The following ARHGAP15 variants were observed in gnomAD, a reference collection of about 807,000 sequenced individuals.
ARHGAP15 encodes rho GTPase-activating protein 15.
Under a neutral mutation model 63.7 loss-of-function variants are expected in ARHGAP15, and 51 were observed. The observed-to-expected ratio is 0.80, with a 90% CI of 0.64 to 1.01. ARHGAP15 has a LOEUF of 1.01. Ranked by LOEUF, ARHGAP15 falls within the 50% of genes least tolerant of loss-of-function variation. The pLI, the probability that ARHGAP15 is intolerant of heterozygous loss-of-function variation, is 0.00. For missense variants in ARHGAP15, 560 were observed against 564.6 expected (o/e 0.99, Z 0.08); for synonymous variants, 191 against 193.8 (o/e 0.99, Z 0.12).
chr2:143,218,333 A>G (rs553037090), intron 4 of ARHGAP15, among the ~76,000 whole-genome samples: 3 of 137,570 alleles, frequency 2.2e-5, no homozygotes, highest in African/African-American at 8.3e-5. Context: ...AGGTGCACAG[A>G]ATTGAGCTGA....
At chr2:143,659,113 C>A (rs1165217754) in intron 12 of ARHGAP15, among the ~76,000 whole-genome samples, 1 of 152,192 alleles carries the variant, frequency 6.6e-6, no homozygotes, top group African/African-American at 2.4e-5. Context: ...GCTCATGCAA[C>A]CTCATACAGC....
intron 6 of ARHGAP15, among the ~76,000 whole-genome samples, chr2:143,252,038 C>A (rs980613643): frequency 2.0e-5 from 3 of 152,028 alleles, no homozygotes. Flanking sequence ...TTATTATGTA[C>A]TGTGAATTTA....
chr2:143,473,732 G>C (rs1187706805), intron 8 of ARHGAP15, among the ~76,000 whole-genome samples: 1 of 152,104 alleles, frequency 6.6e-6, no homozygotes, highest in Non-Finnish European at 1.5e-5. Context: ...AATCCCAAAT[G>C]CTTTTTTGCT....
intron 12 of ARHGAP15, among the ~76,000 whole-genome samples, chr2:143,696,006 T>G (rs1346540662): frequency 6.6e-6 from 1 of 152,254 alleles, no homozygotes; most frequent in Non-Finnish European, 1.5e-5. Flanking sequence ...TGAATGTATT[T>G]GTGAATGTAT....
At chr2:143,428,579 T>C (rs959317110) in intron 6 of ARHGAP15, among the ~76,000 whole-genome samples, 4 of 151,980 alleles carry the variant, frequency 2.6e-5, no homozygotes, top group East Asian at 1.9e-4. Context: ...GTAGTATATA[T>C]AGTAAAAGGC....
chr2:143,407,967 A>G (rs1212610187), intron 6 of ARHGAP15, among the ~76,000 whole-genome samples: 2 of 121,616 alleles, frequency 1.6e-5, no homozygotes, highest in Non-Finnish European at 3.5e-5. Flanking sequence ...GTGGGTTTTT[A>G]AAGTCTGACT....
intron 6 of ARHGAP15, among the ~76,000 whole-genome samples, chr2:143,423,165 T>C (rs887766377): frequency 2.0e-5 from 3 of 152,082 alleles, no homozygotes; most frequent in South Asian, 2.1e-4. Context: ...TCTTTTCAGA[T>C]AGATGCATTG....
intron 6 of ARHGAP15, among the ~76,000 whole-genome samples, chr2:143,395,726 G>A (rs924990672): frequency 6.6e-6 from 1 of 152,082 alleles, no homozygotes; most frequent in Admixed American, 6.6e-5. Context: ...TGGCCCTGTG[G>A]CAGGAGAAAG....
At chr2:143,648,825 G>C (rs1372125650) in intron 12 of ARHGAP15, 1 of 151,910 alleles carries the variant, frequency 6.6e-6, no homozygotes, top group Non-Finnish European at 1.5e-5. Context: ...TGCTCATAAA[G>C]ATGCAGTGTT....
intron 12 of ARHGAP15, among the ~76,000 whole-genome samples, chr2:143,695,638 C>T (rs1178534855): frequency 6.6e-6 from 1 of 152,028 alleles, no homozygotes; most frequent in Non-Finnish European, 1.5e-5. Context: ...AAGGCTGAGG[C>T]GGGTGGATCG....
chr2:143,374,925 A>G (rs1686735599), intron 6 of ARHGAP15, among the ~76,000 whole-genome samples: 1 of 152,238 alleles, frequency 6.6e-6, no homozygotes, highest in South Asian at 2.1e-4. Context: ...CATGTGTGCC[A>G]AAATGATTGA....
chr2:143,198,829 G>C (rs371207551), intron 2 of ARHGAP15, among the ~76,000 whole-genome samples: 2 of 152,210 alleles, frequency 1.3e-5, no homozygotes, highest in African/African-American at 4.8e-5. Context: ...ACATTTACTT[G>C]CTACTTCTCT....
chr2:143,502,161 C>A (rs934977438), intron 9 of ARHGAP15, among the ~76,000 whole-genome samples: 1 of 152,116 alleles, frequency 6.6e-6, no homozygotes, highest in Non-Finnish European at 1.5e-5. Flanking sequence ...GTAATCCCAG[C>A]ATTTTGGGAG....
In ARHGAP15 at chr2:143,228,656, T is replaced by C; in HGVS notation, c.372T>C (p.Ala124=). 3 of 1,597,648 alleles carry C rather than the reference T, an allele frequency of 1.9e-6. No homozygotes were observed. Among genetic ancestry groups the C allele is most frequent in the Non-Finnish European group, 2.6e-6 (3 of 1,170,294 alleles). Reference sequence around the variant, plus strand: ...TTTACAAAGAATCCAAGCAACAGGCTCTGTCCAATATGGTAAGTAATTCTC... The same window carrying C: ...TTTACAAAGAATCCAAGCAACAGGCCCTGTCCAATATGGTAAGTAATTCTC... The part of the protein sequence containing the change: ...IEFYKESKQQ[A]LSNMKTGHKP... The change falls in exon 5 of 14, where the codon GCT becomes GCC. Residue 124 remains alanine (A), a synonymous_variant. Coordinates refer to ENST00000295095, the MANE Select transcript of ARHGAP15 (RefSeq NM_018460.4).
rs545455090 is a variant in ARHGAP15, at chr2:143,419,605, A to G, written c.475-15996A>G. 2.2e-4 allele frequency among the ~76,000 whole-genome samples: 33 copies of G among 152,028 alleles called. No individual in the cohort carries two copies. In the East Asian group the frequency reaches 6.2e-3, roughly 28 times the overall value. ...ATGATATGTTAAAAAAAATAATAAGATACGATATTGTATATTTAATTTGAC... is the reference window on the plus strand; with the variant it reads ...ATGATATGTTAAAAAAAATAATAAGGTACGATATTGTATATTTAATTTGAC... On this transcript the variant is annotated intron_variant, in intron 6 of 13. Transcript: ENST00000295095.
intron 6 of ARHGAP15, among the ~76,000 whole-genome samples, chr2:143,303,090 A>ATG (rs1682984532): frequency 6.6e-6 from 1 of 152,120 alleles, no homozygotes; most frequent in Non-Finnish European, 1.5e-5. Context: ...ACCATTCAGG[A>ATG]TGTAGGCATG....
rs567754077 is a variant in ARHGAP15 at position 143,356,354 on chromosome 2, T to G, written c.475-79247T>G. 3.3e-5 allele frequency among the ~76,000 whole-genome samples: 5 copies of G among 152,258 alleles called. No homozygotes were observed. The South Asian group carries it at 1.0e-3, about 32-fold the overall frequency. ...GAGCAATGATCTTTGTAAGATGAAT[T>G]AATATAGGTACTGCTCCAGGAAACA... On this transcript the variant is annotated intron_variant, in intron 6 of 13. Coordinates refer to ENST00000295095, the MANE Select transcript of ARHGAP15 (RefSeq NM_018460.4).
intron 6 of ARHGAP15, among the ~76,000 whole-genome samples, chr2:143,253,991 G>T (rs1310138801): frequency 6.6e-6 from 1 of 152,100 alleles, no homozygotes; most frequent in Non-Finnish European, 1.5e-5. Flanking sequence ...GTTTGATGTA[G>T]TTCGAGAAAC....
intron 12 of ARHGAP15, among the ~76,000 whole-genome samples, chr2:143,659,080 G>A (rs765015118): frequency 1.3e-5 from 2 of 152,050 alleles, no homozygotes; most frequent in African/African-American, 2.4e-5. Flanking sequence ...CACAGCCCTC[G>A]TATCTACTTG....
Sources: allele counts gnomAD v4.1 joint callset (sites outside exome capture counted in the v4.1 genomes callset), GRCh38; gene constraint gnomAD v4.1.1; transcripts MANE v1.5; gene names NCBI Gene and HGNC (gene_info 2026-07-23, HGNC 2026-07-21).